The following MMP27 variants were observed in gnomAD, a reference collection of about 807,000 sequenced individuals.
The protein encoded by MMP27 is matrix metallopeptidase 27.
In MMP27, 51 loss-of-function variants were observed where a neutral mutation model predicts 48.1. The ratio of observed to expected loss-of-function variants is 1.06; its 90% confidence interval spans 0.85 to 1.34. MMP27 has a LOEUF of 1.34. Ranked by LOEUF, MMP27 falls within the 40% of genes most tolerant of loss-of-function variation. MMP27 has a pLI of 0.00. For missense variants in MMP27, 698 were observed against 619.3 expected, an observed-to-expected ratio of 1.13 and a Z score of -1.35; for synonymous variants, 229 against 208.9, an observed-to-expected ratio of 1.10 and a Z score of -0.83.
At chr11:102,692,807 T>C (rs892509565) in intron 9 of MMP27, 131 bp downstream of exon 9, 12 of 646,080 alleles carry the variant, frequency 1.9e-5, no homozygotes, top group Non-Finnish European at 3.3e-5. Context: ...GTGGGGTTAA[T>C]GTTTATTATT....
rs76842024 is a variant in MMP27, at chr11:102,703,170, T to C, written c.342-52A>G. 259 of 1,512,362 alleles carry C rather than the reference T, an allele frequency of 1.7e-4. No homozygotes were observed. The African/African-American group carries it at 3.1e-3, about 18-fold the overall frequency. The allele number at this position is 1,512,362 out of a possible 1,614,324, so 93.7% of individuals were successfully genotyped here. On this transcript the variant is annotated intron_variant, in intron 2 of 9. Coordinates refer to ENST00000260229, the MANE Select transcript of MMP27 (RefSeq NM_022122.3). ...TTTCTGGCTTATTCATGCATGAATA[T>C]ACACACATAACTACAAAAAACATTT...
intron 4 of MMP27, among the ~76,000 whole-genome samples, chr11:102,697,638 ACTACAGGTGCATGCCACCATGT>A (rs1860856303): frequency 6.6e-6 from 1 of 151,904 alleles, no homozygotes. Flanking sequence ...TGCAGCTGGG[ACTACAGGTGCATGCCACCATGT>A]CCAGCTAATT....
rs1247989928 is a variant in MMP27, at chr11:102,700,275, A to G, written c.619+2478T>C. 2.0e-5 allele frequency among the ~76,000 whole-genome samples: 3 copies of G among 152,252 alleles called. No individual in the cohort carries two copies. In the East Asian group the frequency reaches 5.8e-4, roughly 29 times the overall value. On this transcript the variant is annotated intron_variant, in intron 4 of 9. Coordinates refer to ENST00000260229, the MANE Select transcript of MMP27 (RefSeq NM_022122.3). ...GGCCATATGACGCTGTAGGTAAAAG[A>G]TGACAAAAGTCTCTGTCTCATGGAG... is the stretch of plus-strand genomic sequence containing the variant.
At position 102,697,130 on chromosome 11, in the gene MMP27, C is replaced by T. The variant is rs115316714; in HGVS notation, c.620-295G>A. On this transcript the variant is annotated intron_variant, in intron 4 of 9. Transcript: ENST00000260229. ...CAAGGTTACATGGTATAGCCTCTTGCTCCCAGGCTACAAACCTGTATTGCA... is the reference window on the plus strand; with the variant it reads ...CAAGGTTACATGGTATAGCCTCTTGTTCCCAGGCTACAAACCTGTATTGCA... 3.0e-3 allele frequency among the ~76,000 whole-genome samples: 458 copies of T among 152,326 alleles called. 4 individuals are homozygous for T. Among genetic ancestry groups the T allele is most frequent in the African/African-American group, 0.01 (431 of 41,564 alleles).
intron 4 of MMP27, among the ~76,000 whole-genome samples, chr11:102,699,447 G>A (rs868754306): frequency 2.2e-4 from 34 of 152,100 alleles, no homozygotes; most frequent in African/African-American, 7.2e-4. Context: ...CAGCCTGGGT[G>A]ACAGAGTGAG....
At chr11:102,698,796 C>T (rs953508098) in intron 4 of MMP27, among the ~76,000 whole-genome samples, 5 of 152,050 alleles carry the variant, frequency 3.3e-5, no homozygotes, top group African/African-American at 1.2e-4. Context: ...CTATTTATTC[C>T]CCAGGACTCC....
In MMP27 at chr11:102,704,495, G is replaced by A. The variant is rs745858713; in HGVS notation, c.341+42C>T. ...TCTGTTCCTTGGAAATTATCTTTAT[G>A]TTCCTTTGGATTAGGCGGAAATAAG... On this transcript the variant is annotated intron_variant, in intron 2 of 9. Coordinates refer to ENST00000260229, the MANE Select transcript of MMP27 (RefSeq NM_022122.3). 6 of 1,412,316 alleles carry A rather than the reference G, an allele frequency of 4.2e-6. No individual in the cohort carries two copies. In the South Asian group the frequency reaches 4.8e-5, roughly 11 times the overall value. The allele number at this position is 1,412,316 out of a possible 1,614,324, so 87.5% of individuals were successfully genotyped here.
intron 9 of MMP27, 76 bp from the exon 10 acceptor site, chr11:102,692,086 G>A: frequency 5.3e-6 from 7 of 1,316,390 alleles, no homozygotes; most frequent in South Asian, 3.8e-5. Flanking sequence ...TTATAAACAT[G>A]GAAAAAAATA....
chr11:102,694,113 A>G (rs370206381), intron 7 of MMP27, 48 bp from the exon 8 acceptor site: 4 of 1,389,784 alleles, frequency 2.9e-6, no homozygotes, highest in Non-Finnish European at 3.8e-6. Flanking sequence ...AGAAATAGGT[A>G]TCTCAAGAAA....
rs200611011 is a variant in MMP27 at position 102,693,019 on chromosome 11, T to C, written c.1216A>G (p.Met406Val). 5 of 1,613,704 alleles carry C rather than the reference T, an allele frequency of 3.1e-6. No individual in the cohort carries two copies. The highest frequency in any genetic ancestry group is 8.5e-7 in the Non-Finnish European group (1 of 1,179,748). Residue 406 changes from methionine (M) to valine (V), a missense_variant, in exon 9 of 10, where the codon ATG becomes GTG. Physicochemically the swap from Met to Val is conservative, Grantham distance 21. Coordinates refer to ENST00000260229, the MANE Select transcript of MMP27 (RefSeq NM_022122.3). ...CWRFDEMTQT[M>V]DKGFPQRVVK... ...ACTCTCTGCGGGAACCCTTTGTCCA[T>C]GGTTTGGGTCATTTCATCAAACCTG...
At chr11:102,703,849 A>G (rs1253061566) in intron 2 of MMP27, among the ~76,000 whole-genome samples, 1 of 152,178 alleles carries the variant, frequency 6.6e-6, no homozygotes, top group Non-Finnish European at 1.5e-5. Flanking sequence ...TTACATGAGA[A>G]CCACAAGAAT....
At chr11:102,694,784 G>C (rs1452642334) in intron 7 of MMP27, among the ~76,000 whole-genome samples, 183 bp downstream of exon 7, 1 of 152,158 alleles carries the variant, frequency 6.6e-6, no homozygotes, top group East Asian at 1.9e-4. Flanking sequence ...AACTAGGATT[G>C]TGTTTATCTT....
rs187597846 is a variant in MMP27, at chr11:102,694,429, G to C, written c.1034-364C>G. On this transcript the variant is annotated intron_variant, in intron 7 of 9. Transcript: ENST00000260229. ...TGTCAATTGAAATTTTTAAAATGAA[G>C]TATGTTTGGACATGTTCTCCTAAGT... Among the ~76,000 whole-genome samples, 67 of 152,246 alleles carry C rather than the reference G, an allele frequency of 4.4e-4. No homozygotes were observed. The East Asian group carries it at 8.9e-3, about 20-fold the overall frequency.
chr11:102,704,956 A>G (rs971061303), intron 1 of MMP27, among the ~76,000 whole-genome samples, 181 bp from the exon 2 acceptor site: 3 of 152,148 alleles, frequency 2.0e-5, no homozygotes, highest in African/African-American at 7.2e-5. Flanking sequence ...CACAAAGAGG[A>G]AAATAACGAG....
chr11:102,703,717 T>C (rs1170186487), intron 2 of MMP27, among the ~76,000 whole-genome samples: 2 of 151,894 alleles, frequency 1.3e-5, no homozygotes, highest in African/African-American at 4.8e-5. Flanking sequence ...AGAGATGGGG[T>C]TTTGCCACGT....
Position 102,693,955 on chromosome 11 carries a change from C to T in MMP27, c.1144G>A (p.Asp382Asn). The T allele has an allele frequency of 6.2e-7, 1 of 1,611,498 alleles. No individual in the cohort carries two copies. Among genetic ancestry groups the T allele is most frequent in the South Asian group, 1.1e-5 (1 of 90,562 alleles). ...RVKKIDAAVC[D>N]KTTRKTYFFV... ...AAGTAGGTTTTTCTTGTGGTCTTAT[C>T]ACAGACGGCTGCATCTATTTTCTTC... Residue 382 changes from aspartate (D) to asparagine (N), a missense_variant, in exon 8 of 10, where the codon GAT becomes AAT. Transcript: ENST00000260229.
chr11:102,698,544 C>T (rs1459239866), intron 4 of MMP27, among the ~76,000 whole-genome samples: 1 of 152,100 alleles, frequency 6.6e-6, no homozygotes, highest in Non-Finnish European at 1.5e-5. Context: ...GTTGCTCCTA[C>T]TTCTATTCTT....
At chr11:102,693,655 T>C (rs1860766580) in intron 8 of MMP27, among the ~76,000 whole-genome samples, 1 of 152,080 alleles carries the variant, frequency 6.6e-6, no homozygotes, top group Admixed American at 6.6e-5. Flanking sequence ...TGGTGGCACA[T>C]GCCTGTAGTA....
Position 102,702,763 on chromosome 11 carries a change from C to T in MMP27, c.609G>A (p.Lys203=). Residue 203 remains lysine (K), a synonymous_variant, in exon 4 of 10, where the codon AAG becomes AAA. Transcript: ENST00000260229. ...THFDEDENWT[K]DGAGFNLFLV... is the part of the protein sequence containing the mutation. ...GAAAATTAGACTCACCTGCTCCATC[C>T]TTGGTCCAGTTTTCATCCTCATCAA... is the stretch of plus-strand genomic sequence containing the variant. 6.2e-7 allele frequency: 1 copy of T among 1,609,202 alleles called. No homozygotes were observed. The highest frequency in any genetic ancestry group is 8.5e-7 in the Non-Finnish European group (1 of 1,178,906).
Sources: allele counts gnomAD v4.1 joint callset (sites outside exome capture counted in the v4.1 genomes callset), GRCh38; gene constraint gnomAD v4.1.1; transcripts MANE v1.5; gene names NCBI Gene and HGNC (gene_info 2026-07-23, HGNC 2026-07-21).